The following KITLG variants were observed in gnomAD, a reference collection of about 807,000 sequenced individuals.
KITLG encodes KIT ligand.
In KITLG, 13 loss-of-function variants were observed where a neutral mutation model predicts 34.1. The ratio of observed to expected loss-of-function variants is 0.38; its 90% CI spans 0.25 to 0.61. The LOEUF is 0.61. KITLG is among the 20% of genes least tolerant of loss of function. KITLG has a pLI of 0.60. For missense variants in KITLG, 292 were observed against 318.9 expected (o/e 0.92, Z 0.64); for synonymous variants, 110 against 104.0 (o/e 1.06, Z -0.35).
At chr12:88,546,300 C>A (rs1007652628) in intron 1 of KITLG, among the ~76,000 whole-genome samples, 10 of 152,120 alleles carry the variant, frequency 6.6e-5, no homozygotes, top group Non-Finnish European at 1.5e-4. Context: ...GTGCTTTAAT[C>A]CAATAATCTA....
rs1187323515 is a variant in KITLG, at chr12:88,497,200, A to G, written c.*38-19T>C. The G allele has an allele frequency of 9.1e-6, 4 of 437,376 alleles. No homozygotes were observed. Among genetic ancestry groups the G allele is most frequent in the Non-Finnish European group, 1.8e-5 (4 of 218,856 alleles). 27.1% of individuals were successfully genotyped at this position (437,376 alleles called of 1,614,324 possible). On this transcript the variant is annotated intron_variant, in intron 9 of 9. Coordinates refer to ENST00000644744, the MANE Select transcript of KITLG (RefSeq NM_000899.5). Reference sequence around the variant, plus strand: ...TACCAGCCTAGAAAGGAAGGAAGAAAAGAGAGATTATGGTGTATCTGCCTT... The same window carrying G: ...TACCAGCCTAGAAAGGAAGGAAGAAGAGAGAGATTATGGTGTATCTGCCTT...
chr12:88,529,877 CAAG>C (rs1022412145), intron 3 of KITLG, among the ~76,000 whole-genome samples: 3 of 152,104 alleles, frequency 2.0e-5, no homozygotes, highest in Non-Finnish European at 1.5e-5. Flanking sequence ...TGGTGGTGGC[CAAG>C]AAGAACAGTG....
intron 9 of KITLG, among the ~76,000 whole-genome samples, chr12:88,497,924 T>A (rs891152667): frequency 2.6e-5 from 4 of 152,216 alleles, no homozygotes; most frequent in Non-Finnish European, 4.4e-5. Context: ...GACTGTAATC[T>A]TGGCACCGCA....
At chr12:88,567,677 C>T (rs1017480241) in intron 1 of KITLG, among the ~76,000 whole-genome samples, 12 of 152,228 alleles carry the variant, frequency 7.9e-5, no homozygotes, top group African/African-American at 7.2e-5. Flanking sequence ...AAACAACAAA[C>T]GAACAACCTT....
At chr12:88,538,021 T>C (rs1236923591) in intron 2 of KITLG, among the ~76,000 whole-genome samples, 2 of 152,118 alleles carry the variant, frequency 1.3e-5, no homozygotes, top group East Asian at 3.9e-4. Flanking sequence ...ATGTGTCACA[T>C]GGGAATCATA....
At chr12:88,576,916 G>A (rs1275247925) in intron 1 of KITLG, among the ~76,000 whole-genome samples, 1 of 151,974 alleles carries the variant, frequency 6.6e-6, no homozygotes, top group Non-Finnish European at 1.5e-5. Context: ...CCCAGAATTT[G>A]CTATCTTCAA....
chr12:88,533,038 A>C (rs1366597352), intron 2 of KITLG, among the ~76,000 whole-genome samples: 1 of 152,120 alleles, frequency 6.6e-6, no homozygotes, highest in Non-Finnish European at 1.5e-5. Flanking sequence ...TTTATGTTGA[A>C]CCTAAAAAAT....
At chr12:88,529,375 G>A (rs558416270) in intron 3 of KITLG, among the ~76,000 whole-genome samples, 5 of 152,122 alleles carry the variant, frequency 3.3e-5, no homozygotes, top group African/African-American at 4.8e-5. Flanking sequence ...TCAACAGTCC[G>A]GCAATATAAT....
chr12:88,513,989 A>G (rs1323034898), intron 6 of KITLG, among the ~76,000 whole-genome samples: 3 of 151,702 alleles, frequency 2.0e-5, no homozygotes, highest in Non-Finnish European at 4.4e-5. Flanking sequence ...AAAAAATTAT[A>G]GAGTATGTTT....
At chr12:88,508,126 G>A (rs112771498) in intron 6 of KITLG, among the ~76,000 whole-genome samples, 72 of 151,888 alleles carry the variant, frequency 4.7e-4, no homozygotes, top group Admixed American at 2.1e-3. Context: ...GGCGGAAGTC[G>A]TAATGAGCCG....
intron 1 of KITLG, among the ~76,000 whole-genome samples, chr12:88,559,658 A>G (rs1259987906): frequency 6.6e-6 from 1 of 152,236 alleles, no homozygotes; most frequent in African/African-American, 2.4e-5. Context: ...AGGGTGGTCA[A>G]AATTTTCCTT....
intron 1 of KITLG, among the ~76,000 whole-genome samples, chr12:88,565,625 A>C (rs1871419372): frequency 6.9e-6 from 1 of 143,946 alleles, no homozygotes; most frequent in African/African-American, 3.0e-5. Flanking sequence ...CTCCATTTAA[A>C]CAAACAAAGA....
rs147312616 is a variant in KITLG, at chr12:88,507,050, G to A, written c.692C>T (p.Ala231Val). ...TACCTTCCAGTATAAGGCTCCAAAAGCAAAGCCAATTATAAGAGAAAACAA... is the reference window on the plus strand; with the variant it reads ...TACCTTCCAGTATAAGGCTCCAAAAACAAAGCCAATTATAAGAGAAAACAA... The part of the protein sequence containing the change: ...PALFSLIIGF[A>V]FGALYWKKRQ... Residue 231 changes from alanine to valine, a missense_variant, in exon 7 of 10, where the codon GCT becomes GTT. Ala to Val is a moderately conservative substitution (Grantham distance 64). Coordinates refer to ENST00000644744, the MANE Select transcript of KITLG (RefSeq NM_000899.5). 3 of 1,608,778 alleles carry A rather than the reference G, an allele frequency of 1.9e-6. No homozygotes were observed. The highest frequency in any genetic ancestry group is 2.6e-6 in the Non-Finnish European group (3 of 1,175,266).
chr12:88,542,334 G>A (rs1674703044), intron 2 of KITLG, among the ~76,000 whole-genome samples: 1 of 152,046 alleles, frequency 6.6e-6, no homozygotes, highest in African/African-American at 2.4e-5. Context: ...AAGTTTGTCA[G>A]CCCTAGATTA....
At chr12:88,500,069 G>C (rs1233607268) in intron 9 of KITLG, among the ~76,000 whole-genome samples, 1 of 152,082 alleles carries the variant, frequency 6.6e-6, no homozygotes, top group East Asian at 1.9e-4. Flanking sequence ...TTCTCAAACC[G>C]ATGCTCACCC....
intron 6 of KITLG, among the ~76,000 whole-genome samples, chr12:88,513,607 A>C (rs1869358593): frequency 6.6e-6 from 1 of 151,742 alleles, no homozygotes; most frequent in Non-Finnish European, 1.5e-5. Flanking sequence ...TAAGCATAAG[A>C]AAGATTTGCT....
intron 3 of KITLG, among the ~76,000 whole-genome samples, chr12:88,530,878 C>T (rs1203859847): frequency 2.0e-5 from 3 of 152,150 alleles, no homozygotes; most frequent in Non-Finnish European, 4.4e-5. Context: ...CTTTGAAATG[C>T]ATTTTAAGCA....
chr12:88,528,921 A>G (rs1486610025), intron 3 of KITLG, among the ~76,000 whole-genome samples: 1 of 152,214 alleles, frequency 6.6e-6, no homozygotes, highest in Non-Finnish European at 1.5e-5. Context: ...TGAAAAACGA[A>G]TAAGATCCAG....
chr12:88,519,796 A>T (rs969491516), intron 3 of KITLG, among the ~76,000 whole-genome samples: 1 of 151,856 alleles, frequency 6.6e-6, no homozygotes, highest in Admixed American at 6.6e-5. Flanking sequence ...GCTAATTTTT[A>T]ATTTTTTTAT....
Sources: gnomAD v4.1 joint callset for allele counts (sites outside exome capture counted in the v4.1 genomes callset) on GRCh38, gnomAD v4.1.1 for gene constraint, MANE v1.5 for transcripts, NCBI Gene and HGNC (gene_info 2026-07-23, HGNC 2026-07-21) for gene names.